BMF: variants seen among roughly 807,000 people sequenced by gnomAD.
BMF encodes the protein bcl-2-modifying factor.
Under a neutral mutation model 22.0 loss-of-function variants are expected in BMF, and 10 were observed. The ratio of observed to expected loss-of-function variants is 0.45; its 90% CI spans 0.28 to 0.77. The LOEUF (loss-of-function observed/expected upper bound fraction) is 0.77. Ranked by LOEUF, BMF falls within the 30% of genes least tolerant of loss-of-function variation. BMF has a pLI of 0.13. For missense variants in BMF, 206 were observed against 226.8 expected, an observed-to-expected ratio of 0.91 and a Z score of 0.59; for synonymous variants, 87 against 88.1, an observed-to-expected ratio of 0.99 and a Z score of 0.07.
Position 40,091,706 on chromosome 15 carries a change from G to A in BMF, c.*81C>T. ...TAACAACAAAAAAACAATTTCACAA[G>A]ACACAGTGTCAGTCCTGCCCGATGT... On this transcript the variant is annotated 3_prime_UTR_variant, in exon 5 of 5. Coordinates refer to ENST00000354670, the MANE Select transcript of BMF (RefSeq NM_001003940.2). The A allele has an allele frequency of 2.0e-6, 2 of 1,004,302 alleles. No individual in the cohort carries two copies. The highest frequency in any genetic ancestry group is 2.6e-5 in the East Asian group (1 of 38,352). The allele number at this position is 1,004,302 out of a possible 1,614,324, so 62.2% of individuals were successfully genotyped here.
intron 4 of BMF, among the ~76,000 whole-genome samples, chr15:40,096,981 G>A (rs572483354): frequency 1.9e-4 from 29 of 152,332 alleles, no homozygotes; most frequent in Middle Eastern, 3.4e-3. Flanking sequence ...AGTCCACGAT[G>A]TGAAGTTTTC....
chr15:40,104,160 C>T lies in BMF; in HGVS notation c.453+20G>A. The T allele has an allele frequency of 6.2e-7, 1 of 1,613,850 alleles. No homozygotes were observed. The highest frequency in any genetic ancestry group is 8.5e-7 in the Non-Finnish European group (1 of 1,179,794). On this transcript the variant is annotated intron_variant, in intron 4 of 4. Transcript: ENST00000354670. ...AGCCCCAGCAGACTCAACCCTCCTC[C>T]CCTAAACCCCCGTGCCTACTTGCTG...
chr15:40,105,044 C>A (rs1161254511), intron 3 of BMF, among the ~76,000 whole-genome samples: 1 of 152,184 alleles, frequency 6.6e-6, no homozygotes, highest in African/African-American at 2.4e-5. Flanking sequence ...CAGACTCCCG[C>A]CAGAACTGCT....
chr15:40,096,670 C>T (rs1190532244), intron 4 of BMF, among the ~76,000 whole-genome samples: 3 of 152,140 alleles, frequency 2.0e-5, no homozygotes, highest in Non-Finnish European at 4.4e-5. Context: ...AAGCTATGTT[C>T]CTTCACTAAA....
At chr15:40,094,130 A>T (rs1479490480) in intron 4 of BMF, among the ~76,000 whole-genome samples, 3 of 152,214 alleles carry the variant, frequency 2.0e-5, no homozygotes, top group Non-Finnish European at 4.4e-5. Context: ...CAAGGAAAGC[A>T]GATGAGAATT....
intron 3 of BMF, among the ~76,000 whole-genome samples, chr15:40,104,750 T>G (rs558288841): frequency 1.3e-5 from 2 of 152,164 alleles, no homozygotes; most frequent in South Asian, 2.1e-4. Flanking sequence ...TTGAGCAAAG[T>G]AAGAGGCAGA....
Position 40,091,630 on chromosome 15 carries a change from G to C in BMF, c.*157C>G, listed in dbSNP as rs2036232348. On this transcript the variant is annotated 3_prime_UTR_variant, in exon 5 of 5. Transcript: ENST00000354670. ...GACAGAGAAAGAAGGTCCCGCTTGAGTATGTTGTATGTACACTCAGAGAGA... is the reference window on the plus strand; with the variant it reads ...GACAGAGAAAGAAGGTCCCGCTTGACTATGTTGTATGTACACTCAGAGAGA... The C allele has an allele frequency of 3.3e-6, 2 of 602,342 alleles. No individual in the cohort carries two copies. Among genetic ancestry groups the C allele is most frequent in the Admixed American group, 6.0e-5 (2 of 33,202 alleles). The allele number at this position is 602,342 out of a possible 1,614,324, so 37.3% of individuals were successfully genotyped here.
chr15:40,099,569 G>A (rs541550300), intron 4 of BMF, among the ~76,000 whole-genome samples: 2 of 151,984 alleles, frequency 1.3e-5, no homozygotes, highest in African/African-American at 2.4e-5. Context: ...GCCTGAGGTC[G>A]CGAGTTCAAG....
intron 4 of BMF, among the ~76,000 whole-genome samples, chr15:40,095,450 A>G (rs540112943): frequency 6.6e-6 from 1 of 152,280 alleles, no homozygotes; most frequent in Admixed American, 6.5e-5. Context: ...GAGGGTGTGG[A>G]GGAGAAGGGG....
At chr15:40,101,285 A>G (rs2036471043) in intron 4 of BMF, among the ~76,000 whole-genome samples, 1 of 152,240 alleles carries the variant, frequency 6.6e-6, no homozygotes, top group Admixed American at 6.5e-5. Flanking sequence ...CAGGCATTAA[A>G]GAACATCTAC....
At chr15:40,101,803 C>A (rs2036481177) in intron 4 of BMF, among the ~76,000 whole-genome samples, 1 of 152,110 alleles carries the variant, frequency 6.6e-6, no homozygotes, top group South Asian at 2.1e-4. Flanking sequence ...CAAGAAGACT[C>A]TGGGGAGAAC....
Position 40,091,582 on chromosome 15 carries a change from C to T in BMF, c.*205G>A, listed in dbSNP as rs974901418. On this transcript the variant is annotated 3_prime_UTR_variant, in exon 5 of 5. Coordinates refer to ENST00000354670, the MANE Select transcript of BMF (RefSeq NM_001003940.2). Reference sequence around the variant, plus strand: ...CTCCTTCAACAGTGTTTGACAAAGGCCCCCATTCCAGGTCAAGGGCCTGAC... The same window carrying T: ...CTCCTTCAACAGTGTTTGACAAAGGTCCCCATTCCAGGTCAAGGGCCTGAC... 1.5e-5 allele frequency: 8 copies of T among 533,210 alleles called. No individual in the cohort carries two copies. Among genetic ancestry groups the T allele is most frequent in the South Asian group, 2.8e-5 (1 of 36,090 alleles). The allele number at this position is 533,210 out of a possible 1,614,324, so 33.0% of individuals were successfully genotyped here. A position where few individuals can be genotyped will look rare whatever the true frequency, so the allele number is the denominator to read the frequency against.
chr15:40,106,167 TC>T lies in BMF; in HGVS notation c.-5-77del. The T allele has an allele frequency of 1.0e-5, 15 of 1,468,170 alleles. No homozygotes were observed. Among genetic ancestry groups the T allele is most frequent in the Non-Finnish European group, 1.2e-5 (13 of 1,104,770 alleles). 90.9% of individuals were successfully genotyped at this position (1,468,170 alleles called of 1,614,324 possible). The stretch of plus-strand genomic sequence containing the variant: ...CCTGGAAGGACTCCCCTTCCCTTCT[TC>T]CTACCATACTCCCCCTTCTTATTTG... On this transcript the variant is annotated intron_variant, in intron 2 of 4. Transcript: ENST00000354670. The surrounding 1 kb of genome is among the most constrained non-coding windows in gnomAD (Gnocchi z 4.1).
intron 4 of BMF, among the ~76,000 whole-genome samples, chr15:40,102,967 C>T (rs988634598): frequency 6.6e-6 from 1 of 152,192 alleles, no homozygotes; most frequent in Non-Finnish European, 1.5e-5. Flanking sequence ...CTTACCAGGC[C>T]CAGACCTGGC....
intron 4 of BMF, among the ~76,000 whole-genome samples, chr15:40,099,152 T>C (rs966923808): frequency 3.3e-5 from 5 of 152,226 alleles, no homozygotes; most frequent in African/African-American, 9.6e-5. Flanking sequence ...CTGTCCCATC[T>C]AGACGCTGAG....
Position 40,088,011 on chromosome 15 carries a change from T to A in BMF, c.*3776A>T, listed in dbSNP as rs571215543. The A allele has an allele frequency of 6.1e-3, 936 of 152,568 alleles. 21 individuals are homozygous for A. The highest frequency in any genetic ancestry group is 4.8e-3 in the Non-Finnish European group (329 of 68,016). The allele number at this position is 152,568 out of a possible 1,614,324, so 9.5% of individuals were successfully genotyped here. A position where few individuals can be genotyped will look rare whatever the true frequency, so the allele number is the denominator to read the frequency against. ...AAGCCAAAGGCTCTGTACAGTTTTT[T>A]AAAAAATGGGGCCCCTTTCTTCTTC... On this transcript the variant is annotated 3_prime_UTR_variant, in exon 5 of 5. Coordinates refer to ENST00000354670, the MANE Select transcript of BMF (RefSeq NM_001003940.2).
rs2036191070 is a variant in BMF, at chr15:40,089,260, G to C, written c.*2527C>G. ...GAGGCTAGACTTGAGGAATGTTTAG[G>C]CCAACTCACCAGGCAGAGGAGGAAG... On this transcript the variant is annotated 3_prime_UTR_variant, in exon 5 of 5. Coordinates refer to ENST00000354670, the MANE Select transcript of BMF (RefSeq NM_001003940.2). 1 of 152,180 alleles carries C rather than the reference G, an allele frequency of 6.6e-6. No individual in the cohort carries two copies. 9.4% of individuals were successfully genotyped at this position (152,180 alleles called of 1,614,324 possible).
intron 4 of BMF, among the ~76,000 whole-genome samples, chr15:40,093,395 G>C (rs1595473174): frequency 6.6e-6 from 1 of 152,258 alleles, no homozygotes; most frequent in East Asian, 1.9e-4. Flanking sequence ...GCGTGCCACA[G>C]AAGAGGCCTG....
At position 40,091,505 on chromosome 15, in the gene BMF, A is replaced by G. The variant is rs1008433960; in HGVS notation, c.*282T>C. Reference sequence around the variant, plus strand: ...AACTGGTAGATTCCTCAGTCGAAGAATCTACTTGTCAGAGCCCTTGGGAAT... The same window carrying G: ...AACTGGTAGATTCCTCAGTCGAAGAGTCTACTTGTCAGAGCCCTTGGGAAT... On this transcript the variant is annotated 3_prime_UTR_variant, in exon 5 of 5. Transcript: ENST00000354670. The G allele has an allele frequency of 5.3e-5, 18 of 337,172 alleles. No homozygotes were observed. Among genetic ancestry groups the G allele is most frequent in the Non-Finnish European group, 9.2e-5 (17 of 184,602 alleles). 20.9% of individuals were successfully genotyped at this position (337,172 alleles called of 1,614,324 possible). A position where few individuals can be genotyped will look rare whatever the true frequency, so the allele number is the denominator to read the frequency against.
Sources: gnomAD v4.1 joint callset for allele counts (sites outside exome capture counted in the v4.1 genomes callset) on GRCh38, gnomAD v4.1.1 for gene constraint, Gnocchi (gnomAD v3.1) non-coding constraint, MANE v1.5 for transcripts, NCBI Gene and HGNC (gene_info 2026-07-23, HGNC 2026-07-21) for gene names.